OPCML: variants seen among roughly 807,000 people sequenced by gnomAD.
OPCML encodes opioid-binding protein/cell adhesion molecule.
In OPCML, 13 loss-of-function variants were observed where a neutral mutation model predicts 37.8. The ratio of observed to expected loss-of-function variants is 0.34; its 90% confidence interval spans 0.22 to 0.55. The LOEUF is 0.55. Among genes scored for constraint, OPCML ranks in the 20% least tolerant of loss-of-function variants. OPCML has a pLI of 0.91. For missense variants in OPCML, 341 were observed against 435.6 expected (o/e 0.78, Z 1.93); for synonymous variants, 176 against 168.8 (o/e 1.04, Z -0.33).
At chr11:133,394,265 A>G (rs1444892278) in intron 1 of OPCML, among the ~76,000 whole-genome samples, 1 of 152,102 alleles carries the variant, frequency 6.6e-6, no homozygotes, top group Non-Finnish European at 1.5e-5. Flanking sequence ...TCTTTTTTTA[A>G]TTTTTAATTT....
At chr11:133,278,652 G>A (rs573821278) in intron 1 of OPCML, among the ~76,000 whole-genome samples, 21 of 152,120 alleles carry the variant, frequency 1.4e-4, no homozygotes, top group Non-Finnish European at 2.8e-4. Context: ...ACTGCAGATA[G>A]TAGAAAGCCC....
At chr11:133,040,737 T>C (rs1295196799) in intron 1 of OPCML, among the ~76,000 whole-genome samples, 2 of 152,024 alleles carry the variant, frequency 1.3e-5, no homozygotes, top group East Asian at 3.9e-4. Flanking sequence ...GAGCTGCACG[T>C]ATGTGACTGC....
chr11:133,251,483 G>C (rs1941132203), intron 1 of OPCML, among the ~76,000 whole-genome samples: 1 of 151,986 alleles, frequency 6.6e-6, no homozygotes, highest in Non-Finnish European at 1.5e-5. Context: ...GAGACTTCAG[G>C]GGAAGAACTG....
intron 1 of OPCML, among the ~76,000 whole-genome samples, chr11:133,343,477 T>G (rs1943923564): frequency 6.6e-6 from 1 of 152,192 alleles, no homozygotes; most frequent in South Asian, 2.1e-4. Flanking sequence ...TATTGCAATT[T>G]CCTTCTGCCT....
Position 132,864,063 on chromosome 11 carries a change from G to A in OPCML, c.146+78863C>T, listed in dbSNP as rs201752281. 5.8e-4 allele frequency among the ~76,000 whole-genome samples: 89 copies of A among 152,160 alleles called. 1 individual carries two copies. The East Asian group carries it at 0.013, about 22-fold the overall frequency. On this transcript the variant is annotated intron_variant, in intron 2 of 7. Transcript: ENST00000524381. The stretch of plus-strand genomic sequence containing the variant: ...AGTGATTCTCCTGCCTCAGCTTCCC[G>A]AGTAGCTGGGATTGCAGGCATGCGC...
At chr11:133,246,077 G>A (rs948685113) in intron 1 of OPCML, among the ~76,000 whole-genome samples, 1 of 152,064 alleles carries the variant, frequency 6.6e-6, no homozygotes, top group African/African-American at 2.4e-5. Context: ...GTATACCTAT[G>A]TAAAAAACCA....
chr11:132,960,915 G>T (rs1946079393), intron 1 of OPCML, among the ~76,000 whole-genome samples: 1 of 152,216 alleles, frequency 6.6e-6, no homozygotes, highest in Non-Finnish European at 1.5e-5. Context: ...GGGTGAGGCT[G>T]CAGTGATGCT....
intron 4 of OPCML, among the ~76,000 whole-genome samples, chr11:132,469,771 T>TGTGTG (rs1363715201): frequency 2.1e-5 from 1 of 47,600 alleles, no homozygotes; most frequent in Non-Finnish European, 5.2e-5. Flanking sequence ...TGTGTGTGTA[T>TGTGTG]GTGTGGAGGG....
chr11:133,415,370 A>G (rs1945738534), intron 1 of OPCML, among the ~76,000 whole-genome samples: 1 of 151,646 alleles, frequency 6.6e-6, no homozygotes, highest in African/African-American at 2.4e-5. Flanking sequence ...AGATAGTGCC[A>G]CCGCACTCCA....
At chr11:132,580,365 C>T (rs1429852798) in intron 3 of OPCML, among the ~76,000 whole-genome samples, 2 of 152,060 alleles carry the variant, frequency 1.3e-5, no homozygotes, top group Non-Finnish European at 2.9e-5. Context: ...TGATTTAATG[C>T]TCAATGAAAA....
At chr11:133,305,669 G>C (rs1393574504) in intron 1 of OPCML, among the ~76,000 whole-genome samples, 1 of 152,084 alleles carries the variant, frequency 6.6e-6, no homozygotes, top group Non-Finnish European at 1.5e-5. Flanking sequence ...CATTTATGTA[G>C]ACCAGCATCT....
At chr11:133,204,880 A>ATATATATGTGTG (rs1337448348) in intron 1 of OPCML, among the ~76,000 whole-genome samples, 59 of 26,316 alleles carry the variant, frequency 2.2e-3, no homozygotes, top group African/African-American at 0.01. Flanking sequence ...ATATATATAT[A>ATATATATGTGTG]TATATATATA....
chr11:133,233,702 T>A (rs777608633), intron 1 of OPCML, among the ~76,000 whole-genome samples: 46 of 152,320 alleles, frequency 3.0e-4, no homozygotes, highest in Non-Finnish European at 5.9e-4. Flanking sequence ...AGCCACTTCA[T>A]TAGGGTTTTC....
At chr11:133,263,721 C>T (rs1941563256) in intron 1 of OPCML, among the ~76,000 whole-genome samples, 1 of 152,140 alleles carries the variant, frequency 6.6e-6, no homozygotes, top group African/African-American at 2.4e-5. Flanking sequence ...GACACAAGGA[C>T]AGAATGTGGG....
At chr11:133,424,928 T>C (rs1216364484) in intron 1 of OPCML, among the ~76,000 whole-genome samples, 2 of 152,210 alleles carry the variant, frequency 1.3e-5, no homozygotes, top group Non-Finnish European at 2.9e-5. Context: ...AAACAGCTTA[T>C]AGTCCATAAA....
chr11:132,561,363 T>A (rs1263814857), intron 3 of OPCML, among the ~76,000 whole-genome samples: 1 of 151,184 alleles, frequency 6.6e-6, no homozygotes, highest in Non-Finnish European at 1.5e-5. Context: ...GGTCCTCATC[T>A]CCTCCATAGG....
intron 3 of OPCML, among the ~76,000 whole-genome samples, chr11:132,630,854 G>A (rs1474365548): frequency 6.6e-6 from 1 of 151,922 alleles, no homozygotes. Context: ...ACAAAAACCT[G>A]GAAACAACTC....
Position 132,943,128 on chromosome 11 carries a change from C to T in OPCML, c.62-118G>A, listed in dbSNP as rs1488879435. On this transcript the variant is annotated intron_variant, in intron 1 of 7. Coordinates refer to ENST00000524381, the MANE Select transcript of OPCML (RefSeq NM_001012393.5). The surrounding 1 kb of genome is among the most constrained non-coding windows in gnomAD (Gnocchi z 4.3). The stretch of plus-strand genomic sequence containing the variant: ...CACAACTTCCCAGGACTCCGGCAGC[C>T]GCACAGTCCTGGTCCCCCGCCCCGC... 4 of 1,613,658 alleles carry T rather than the reference C, an allele frequency of 2.5e-6. No individual in the cohort carries two copies. The highest frequency in any genetic ancestry group is 1.3e-5 in the African/African-American group (1 of 74,920).
chr11:132,830,391 C>T (rs1179860998), intron 2 of OPCML, among the ~76,000 whole-genome samples: 1 of 152,154 alleles, frequency 6.6e-6, no homozygotes, highest in Non-Finnish European at 1.5e-5. Flanking sequence ...CCTGCCTTGA[C>T]ATGTAAGGTT....
Sources: gnomAD v4.1 joint callset for allele counts (sites outside exome capture counted in the v4.1 genomes callset) on GRCh38, gnomAD v4.1.1 for gene constraint, Gnocchi (gnomAD v3.1) non-coding constraint, MANE v1.5 for transcripts, NCBI Gene and HGNC (gene_info 2026-07-23, HGNC 2026-07-21) for gene names.